Variants in PLCL2 observed in about 807,000 individuals in gnomAD.
The protein encoded by PLCL2 is inactive phospholipase C-like protein 2.
A neutral mutation model predicts 79.6 loss-of-function variants in PLCL2; 4 were observed. The observed-to-expected ratio is 0.05, with a 90% CI of 0.02 to 0.11. The LOEUF (loss-of-function observed/expected upper bound fraction) is 0.11. PLCL2 is among the 10% of genes least tolerant of loss of function. The pLI, the probability that PLCL2 is intolerant of heterozygous loss-of-function variation, is 1.00. For missense variants in PLCL2, 895 were observed against 1,291.0 expected (o/e 0.69, Z 4.70); for synonymous variants, 484 against 457.7 (o/e 1.06, Z -0.73).
At chr3:16,895,137 T>C (rs1696448765) in intron 1 of PLCL2, among the ~76,000 whole-genome samples, 1 of 147,004 alleles carries the variant, frequency 6.8e-6, no homozygotes. Context: ...CATGTATCTA[T>C]ATCGATATAG....
intron 1 of PLCL2, among the ~76,000 whole-genome samples, chr3:16,977,658 A>T (rs1000217241): frequency 1.3e-5 from 2 of 152,186 alleles, no homozygotes; most frequent in East Asian, 3.8e-4. Flanking sequence ...AGCCTTGCCC[A>T]GTATTTTGTA....
In PLCL2 at chr3:16,999,643, A is replaced by G. The variant is rs544586429; in HGVS notation, c.328-10031A>G. Among the ~76,000 whole-genome samples the G allele has an allele frequency of 1.1e-3, 175 of 152,336 alleles. 2 individuals carry two copies. The highest frequency in any genetic ancestry group is 2.0e-3 in the Non-Finnish European group (137 of 68,026). The stretch of plus-strand genomic sequence containing the variant: ...CAGAGGACATGCAGTGCTAGCTCAC[A>G]TCTTGTGGCGCATAGTATTTCTGTG... On this transcript the variant is annotated intron_variant, in intron 1 of 5. Coordinates refer to ENST00000615277, the MANE Select transcript of PLCL2 (RefSeq NM_001144382.2).
chr3:16,967,157 C>T (rs1208892692), intron 1 of PLCL2, among the ~76,000 whole-genome samples: 1 of 152,046 alleles, frequency 6.6e-6, no homozygotes, highest in East Asian at 1.9e-4. Flanking sequence ...TTTCTTTACC[C>T]ATTCTACTGT....
At position 17,010,663 on chromosome 3, in the gene PLCL2, A is replaced by T; in HGVS notation, c.1317A>T (p.Ser439=). Residue 439 remains serine, a synonymous_variant, in exon 2 of 6, where the codon TCA becomes TCT. Transcript: ENST00000615277. The surrounding 1 kb of genome is among the most constrained non-coding windows in gnomAD (Gnocchi z 5.8). ...CTCTGTCTCATTACTTTATAAACTC[A>T]TCTCATAATACATACTTAATAGAGG... ...KQPLSHYFIN[S]SHNTYLIEDQ... is the part of the protein sequence containing the mutation. The T allele has an allele frequency of 1.9e-6, 3 of 1,613,948 alleles. No individual in the cohort carries two copies. Among genetic ancestry groups the T allele is most frequent in the Non-Finnish European group, 2.5e-6 (3 of 1,179,796 alleles).
At chr3:16,962,962 G>A (rs2063770083) in intron 1 of PLCL2, among the ~76,000 whole-genome samples, 1 of 151,920 alleles carries the variant, frequency 6.6e-6, no homozygotes. Flanking sequence ...AAAAGGTAAT[G>A]GGAAATTACA....
chr3:17,009,756 G>C lies in PLCL2; in HGVS notation c.410G>C (p.Ser137Thr). Residue 137 changes from serine to threonine, a missense_variant, in exon 2 of 6, where the codon AGT becomes ACT. Ser to Thr is a moderately conservative substitution (Grantham distance 58). Transcript: ENST00000615277. The surrounding 1 kb of genome is among the most constrained non-coding windows in gnomAD (Gnocchi z 4.0). Reference protein sequence around the residue: ...MPTEKKISSASDCINSMVEGS... With the variant: ...MPTEKKISSATDCINSMVEGS... Reference sequence around the variant, plus strand: ...ACAGAGAAGAAGATCAGCAGTGCAAGTGATTGTATTAATTCAATGGTTGAG... The same window carrying C: ...ACAGAGAAGAAGATCAGCAGTGCAACTGATTGTATTAATTCAATGGTTGAG... 1 of 1,613,744 alleles carries C rather than the reference G, an allele frequency of 6.2e-7. No individual in the cohort carries two copies. Among genetic ancestry groups the C allele is most frequent in the East Asian group, 2.2e-5 (1 of 44,860 alleles).
intron 3 of PLCL2, among the ~76,000 whole-genome samples, chr3:17,040,023 T>C (rs556170796): frequency 6.6e-6 from 1 of 152,334 alleles, no homozygotes; most frequent in Non-Finnish European, 1.5e-5. Context: ...TTTTATCACA[T>C]CCAATAGCTC....
intron 3 of PLCL2, among the ~76,000 whole-genome samples, chr3:17,032,943 T>G (rs2064601027): frequency 6.6e-6 from 1 of 152,170 alleles, no homozygotes; most frequent in Non-Finnish European, 1.5e-5. Flanking sequence ...ATATATTAAT[T>G]TAGGCTGAGA....
At chr3:17,020,527 C>A (rs1284890024) in intron 3 of PLCL2, among the ~76,000 whole-genome samples, 1 of 151,674 alleles carries the variant, frequency 6.6e-6, no homozygotes, top group African/African-American at 2.4e-5. Context: ...TCTGTACTTT[C>A]CCTTTGAAAT....
chr3:16,957,697 A>C (rs1393544601), intron 1 of PLCL2, among the ~76,000 whole-genome samples: 2 of 152,132 alleles, frequency 1.3e-5, no homozygotes, highest in Non-Finnish European at 2.9e-5. Flanking sequence ...GACTTGCTTT[A>C]TGAATCTGGG....
At chr3:16,992,950 C>T (rs1019207701) in intron 1 of PLCL2, among the ~76,000 whole-genome samples, 1 of 152,186 alleles carries the variant, frequency 6.6e-6, no homozygotes, top group Admixed American at 6.5e-5. Flanking sequence ...GGTTCCTGGC[C>T]TGGGTAGCAT....
chr3:16,976,246 T>A (rs2063925006), intron 1 of PLCL2, among the ~76,000 whole-genome samples: 1 of 152,026 alleles, frequency 6.6e-6, no homozygotes, highest in Admixed American at 6.6e-5. Context: ...GGAGAGGGGT[T>A]GGGGAACATG....
chr3:16,988,896 C>T (rs962013127), intron 1 of PLCL2, among the ~76,000 whole-genome samples: 4 of 152,198 alleles, frequency 2.6e-5, no homozygotes, highest in Admixed American at 6.5e-5. Flanking sequence ...TGTGTCCTAG[C>T]ATACATTATA....
chr3:17,064,082 T>A (rs2064983962), intron 4 of PLCL2, among the ~76,000 whole-genome samples: 1 of 152,214 alleles, frequency 6.6e-6, no homozygotes, highest in South Asian at 2.1e-4. Flanking sequence ...TAATGTTTCT[T>A]TGCTGAAAAT....
intron 3 of PLCL2, among the ~76,000 whole-genome samples, chr3:17,023,056 G>A (rs1401031530): frequency 6.6e-6 from 1 of 152,052 alleles, no homozygotes; most frequent in Non-Finnish European, 1.5e-5. Flanking sequence ...TGTGTTCTTG[G>A]CAAAGAATGT....
intron 1 of PLCL2, among the ~76,000 whole-genome samples, chr3:16,946,614 C>A (rs2063602573): frequency 6.6e-6 from 1 of 152,032 alleles, no homozygotes; most frequent in Non-Finnish European, 1.5e-5. Flanking sequence ...AAACAACCGA[C>A]CTATGTAGAA....
intron 3 of PLCL2, among the ~76,000 whole-genome samples, chr3:17,016,452 C>T (rs1309061521): frequency 6.6e-6 from 1 of 152,168 alleles, no homozygotes; most frequent in Non-Finnish European, 1.5e-5. Context: ...AGAGTGGCAC[C>T]CTCCTGCAGA....
intron 4 of PLCL2, among the ~76,000 whole-genome samples, chr3:17,053,363 G>A (rs906647292): frequency 3.9e-5 from 6 of 152,098 alleles, no homozygotes; most frequent in Admixed American, 2.0e-4. Flanking sequence ...GAACTCAAAA[G>A]GGGGGATGGT....
rs6789643 is a variant in PLCL2 at position 16,901,873 on chromosome 3, C to G, written c.327+16507C>G. On this transcript the variant is annotated intron_variant, in intron 1 of 5. Coordinates refer to ENST00000615277, the MANE Select transcript of PLCL2 (RefSeq NM_001144382.2). ...TGCATTTGCTTTCCTTCCATTCACC[C>G]CTCCACCCTGCCCCGCTTGTGAAGA... 6.0e-3 allele frequency among the ~76,000 whole-genome samples: 915 copies of G among 152,282 alleles called. 13 individuals carry two copies. The highest frequency in any genetic ancestry group is 0.021 in the African/African-American group (869 of 41,554).
Sources: allele counts gnomAD v4.1 joint callset (sites outside exome capture counted in the v4.1 genomes callset), GRCh38; gene constraint gnomAD v4.1.1; non-coding constraint Gnocchi (gnomAD v3.1); transcripts MANE v1.5; gene names NCBI Gene and HGNC (gene_info 2026-07-23, HGNC 2026-07-21).